Variants in ZMYND12 observed in about 807,000 individuals in gnomAD.
The protein encoded by ZMYND12 is zinc finger MYND domain-containing protein 12.
ZMYND12 carries 32 observed loss-of-function variants against 41.7 expected under a neutral mutation model. That is an observed-to-expected ratio of 0.77 (90% CI 0.58 to 1.03). ZMYND12 has a LOEUF of 1.03. ZMYND12 is among the 50% of genes least tolerant of loss of function. The pLI is 0.00. For missense variants in ZMYND12, 424 were observed against 438.5 expected (o/e 0.97, Z 0.30); for synonymous variants, 148 against 164.8 (o/e 0.90, Z 0.78).
intron 1 of ZMYND12, among the ~76,000 whole-genome samples, chr1:42,454,014 A>G (rs1161599433): frequency 3.9e-5 from 6 of 152,200 alleles, no homozygotes; most frequent in Admixed American, 3.9e-4. Context: ...CGGGGAGTTG[A>G]GACTGGGTTT....
At chr1:42,435,185 G>C (rs928760186) in intron 6 of ZMYND12, 89 bp downstream of exon 6, 45 of 1,000,530 alleles carry the variant, frequency 4.5e-5, no homozygotes, top group Non-Finnish European at 4.4e-5. Context: ...CTTCATGACA[G>C]GGACAGCTGC....
intron 3 of ZMYND12, among the ~76,000 whole-genome samples, chr1:42,446,958 G>T (rs1415527519): frequency 6.6e-6 from 1 of 152,110 alleles, no homozygotes. Context: ...GGTCAAATCA[G>T]GGACAGTTTG....
chr1:42,434,250 G>A (rs1201774775), intron 6 of ZMYND12, among the ~76,000 whole-genome samples: 3 of 152,198 alleles, frequency 2.0e-5, no homozygotes, highest in Non-Finnish European at 4.4e-5. Context: ...GCATGATGCT[G>A]TACGGTACTA....
At chr1:42,435,161 G>A (rs1168393012) in intron 6 of ZMYND12, 113 bp downstream of exon 6, 1 of 768,194 alleles carries the variant, frequency 1.3e-6, no homozygotes, top group East Asian at 2.5e-5. Context: ...CATGGGGAAG[G>A]TGGCAATGGT....
At chr1:42,432,314 A>G (rs2184573) in intron 7 of ZMYND12, among the ~76,000 whole-genome samples, 58,300 of 151,896 alleles carry the variant, frequency 0.38, 11,808 homozygotes, top group East Asian at 0.63. Context: ...ATCCCTCCTC[A>G]GCCTCCCAAA....
At chr1:42,452,736 G>C (rs1326605381) in intron 1 of ZMYND12, among the ~76,000 whole-genome samples, 1 of 152,010 alleles carries the variant, frequency 6.6e-6, no homozygotes, top group Non-Finnish European at 1.5e-5. Context: ...GTTCTACTGT[G>C]TCTCTAAAGT....
chr1:42,445,071 G>T (rs1459801542), intron 3 of ZMYND12, among the ~76,000 whole-genome samples: 1 of 151,344 alleles, frequency 6.6e-6, no homozygotes, highest in Non-Finnish European at 1.5e-5. Flanking sequence ...GCCTGCCAAA[G>T]TGCTGGGATT....
At chr1:42,449,126 T>C (rs549179567) in intron 2 of ZMYND12, among the ~76,000 whole-genome samples, 1 of 152,310 alleles carries the variant, frequency 6.6e-6, no homozygotes, top group South Asian at 2.1e-4. Flanking sequence ...AACACTAAAA[T>C]GGATGGATCT....
chr1:42,442,772 A>G (rs1431267528), intron 3 of ZMYND12, among the ~76,000 whole-genome samples: 1 of 152,160 alleles, frequency 6.6e-6, no homozygotes, highest in Non-Finnish European at 1.5e-5. Flanking sequence ...ACATCACTGA[A>G]TTAAAGGAAA....
intron 3 of ZMYND12, among the ~76,000 whole-genome samples, chr1:42,443,472 C>T (rs1642990844): frequency 6.6e-6 from 1 of 152,158 alleles, no homozygotes; most frequent in Non-Finnish European, 1.5e-5. Flanking sequence ...AACAGGCTTA[C>T]ACTGGGTTAA....
intron 7 of ZMYND12, among the ~76,000 whole-genome samples, chr1:42,432,397 A>G (rs1223145599): frequency 6.6e-6 from 1 of 152,156 alleles, no homozygotes; most frequent in Non-Finnish European, 1.5e-5. Flanking sequence ...ATCTGAAATT[A>G]TATTACACAT....
intron 2 of ZMYND12, among the ~76,000 whole-genome samples, chr1:42,449,394 G>T (rs1643058398): frequency 6.6e-6 from 1 of 152,182 alleles, no homozygotes; most frequent in Admixed American, 6.5e-5. Context: ...CCTGCAGTCT[G>T]TCACATGACT....
chr1:42,445,555 G>T (rs1319857744), intron 3 of ZMYND12, among the ~76,000 whole-genome samples: 1 of 152,066 alleles, frequency 6.6e-6, no homozygotes, highest in Non-Finnish European at 1.5e-5. Flanking sequence ...TTGGTGAAGG[G>T]AAGAGGAGGA....
intron 2 of ZMYND12, 147 bp downstream of exon 2, chr1:42,449,771 G>T: frequency 1.2e-6 from 1 of 863,418 alleles, no homozygotes; most frequent in Non-Finnish European, 1.7e-6. Context: ...CAACAGACTG[G>T]ATGGTGTTGA....
chr1:42,450,151 A>G, intron 1 of ZMYND12, 92 bp from the exon 2 acceptor site: 1 of 1,461,900 alleles, frequency 6.8e-7, no homozygotes, highest in Non-Finnish European at 9.3e-7. Flanking sequence ...TAGACACCAG[A>G]AAAGTAAGCC....
At chr1:42,447,605 T>C (rs1469704645) in intron 3 of ZMYND12, among the ~76,000 whole-genome samples, 1 of 152,152 alleles carries the variant, frequency 6.6e-6, no homozygotes, top group African/African-American at 2.4e-5. Context: ...ATATATCTCA[T>C]TTACTAAGGG....
intron 3 of ZMYND12, among the ~76,000 whole-genome samples, chr1:42,447,134 G>A (rs1643032368): frequency 1.3e-5 from 2 of 152,162 alleles, no homozygotes; most frequent in African/African-American, 4.8e-5. Context: ...AATTACAGAA[G>A]GGTGAAAGAG....
At chr1:42,455,575 GTTTC>G (rs1443040854) in intron 1 of ZMYND12, among the ~76,000 whole-genome samples, 7 of 152,110 alleles carry the variant, frequency 4.6e-5, no homozygotes, top group Admixed American at 4.6e-4. Flanking sequence ...CGCCCGGCCT[GTTTC>G]TTTACTGATT....
At chr1:42,436,355 T>C in intron 5 of ZMYND12, 66 bp downstream of exon 5, 2 of 1,600,468 alleles carry the variant, frequency 1.2e-6, no homozygotes, top group Non-Finnish European at 1.7e-6. Context: ...TCATGAATAG[T>C]CTAATACAAG....
Sources: allele counts gnomAD v4.1 joint callset (sites outside exome capture counted in the v4.1 genomes callset), GRCh38; gene constraint gnomAD v4.1.1; transcripts MANE v1.5; gene names NCBI Gene and HGNC (gene_info 2026-07-23, HGNC 2026-07-21).